Variants in CSMD3 observed in about 807,000 individuals in gnomAD.
CSMD3 encodes the protein CUB and sushi domain-containing protein 3.
In CSMD3, 177 loss-of-function variants were observed where a neutral mutation model predicts 435.2. The ratio of observed to expected loss-of-function variants is 0.41; its 90% confidence interval spans 0.36 to 0.46. The LOEUF (loss-of-function observed/expected upper bound fraction) is 0.46, where lower values mean the gene tolerates loss of function less well. CSMD3 is among the 20% of genes least tolerant of loss of function. The pLI is 0.34. For missense variants in CSMD3, 4,265 were observed against 4,504.6 expected (o/e 0.95, Z 1.52); for synonymous variants, 1,656 against 1,520.5 (o/e 1.09, Z -2.07).
intron 27 of CSMD3, among the ~76,000 whole-genome samples, chr8:112,527,894 C>T (rs1825135524): frequency 6.6e-6 from 1 of 152,056 alleles, no homozygotes; most frequent in African/African-American, 2.4e-5. Context: ...TAGATTTATT[C>T]AACTATTTGT....
At chr8:112,831,783 C>A (rs1365244128) in intron 11 of CSMD3, among the ~76,000 whole-genome samples, 1 of 152,040 alleles carries the variant, frequency 6.6e-6, no homozygotes, top group Non-Finnish European at 1.5e-5. Context: ...ATTTGTAATA[C>A]ACAAAGGTGA....
At chr8:112,273,919 T>A (rs1014329993) in intron 59 of CSMD3, among the ~76,000 whole-genome samples, 1 of 143,972 alleles carries the variant, frequency 6.9e-6, no homozygotes, top group Non-Finnish European at 1.5e-5. Context: ...TACAGTTTAG[T>A]GGTATAGGTA....
rs1822238452 is a variant in CSMD3 at position 112,503,892 on chromosome 8, T to C, written c.4981A>G (p.Ser1661Gly). ...CTTTCTATTCTCTCTGGTAACTTGC[T>C]GTCTTGAAAACTTCCAATCAGTGGG... ...NSPLIGSFQD[S>G]KLPERIESSS... The change falls in exon 30 of 71, where the codon AGC (serine) becomes GGC (glycine). Residue 1661 changes from serine to glycine, a missense_variant. Transcript: ENST00000297405. The C allele has an allele frequency of 6.2e-7, 1 of 1,613,050 alleles. No homozygotes were observed. The highest frequency in any genetic ancestry group is 1.3e-5 in the African/African-American group (1 of 75,014).
chr8:113,430,141 G>A (rs2094662553), intron 1 of CSMD3, among the ~76,000 whole-genome samples: 1 of 152,122 alleles, frequency 6.6e-6, no homozygotes, highest in African/African-American at 2.4e-5. Flanking sequence ...CTGTATAATG[G>A]CCTGGGAACT....
At chr8:113,374,818 T>TGAAAAAAAAAA (rs2094368857) in intron 1 of CSMD3, among the ~76,000 whole-genome samples, 1 of 28,112 alleles carries the variant, frequency 3.6e-5, no homozygotes, top group Non-Finnish European at 7.0e-5. Context: ...TGTTAAAAAG[T>TGAAAAAAAAAA]AAAAAAAAAA....
At position 113,173,811 on chromosome 8, in the gene CSMD3, C is replaced by A. The variant is rs1392683369; in HGVS notation, c.620G>T (p.Gly207Val). The A allele has an allele frequency of 1.9e-6, 3 of 1,613,696 alleles. No homozygotes were observed. The highest frequency in any genetic ancestry group is 2.5e-6 in the Non-Finnish European group (3 of 1,179,700). The change falls in exon 4 of 71, where the codon GGA becomes GTA. Residue 207 changes from glycine (G) to valine (V), a missense_variant. Coordinates refer to ENST00000297405, the MANE Select transcript of CSMD3 (RefSeq NM_198123.2). ...GDKIRYSCVT[G>V]YILDGHPQLT... ...CTGAGGGTGGCCATCAAGGATGTAT[C>A]CAGTTACACAGCTGTAGCGGATCTT...
chr8:112,391,203 G>C lies in CSMD3; in HGVS notation c.5810-415C>G, dbSNP rs184211627. On this transcript the variant is annotated intron_variant, in intron 35 of 70. Coordinates refer to ENST00000297405, the MANE Select transcript of CSMD3 (RefSeq NM_198123.2). ...ACAGCATCCACTGGAAAGTAATGAG[G>C]ATGATGATAACAATTATATTATGAT... is the stretch of plus-strand genomic sequence containing the variant. Among the ~76,000 whole-genome samples the C allele has an allele frequency of 3.9e-5, 6 of 152,244 alleles. No homozygotes were observed. The East Asian group carries it at 5.8e-4, about 15-fold the overall frequency.
At chr8:112,370,658 T>C (rs1396177792) in intron 38 of CSMD3, among the ~76,000 whole-genome samples, 1 of 152,158 alleles carries the variant, frequency 6.6e-6, no homozygotes, top group African/African-American at 2.4e-5. Flanking sequence ...ACAGTCTCCA[T>C]AAGGTCTGCC....
chr8:112,979,544 G>GA (rs1210344808), intron 6 of CSMD3, among the ~76,000 whole-genome samples: 13 of 151,238 alleles, frequency 8.6e-5, no homozygotes, highest in African/African-American at 3.1e-4. Context: ...GCCAATGCTG[G>GA]AAAAAGTCTT....
intron 5 of CSMD3, among the ~76,000 whole-genome samples, chr8:113,077,451 C>A (rs2089389771): frequency 6.6e-6 from 1 of 152,110 alleles, no homozygotes; most frequent in African/African-American, 2.4e-5. Context: ...CCTGTAATCC[C>A]AGCACTTTGG....
At chr8:112,316,636 T>C (rs1400035454) in intron 47 of CSMD3, among the ~76,000 whole-genome samples, 1 of 151,826 alleles carries the variant, frequency 6.6e-6, no homozygotes, top group Non-Finnish European at 1.5e-5. Context: ...TGGTACATTA[T>C]CTCCGTTATC....
Position 112,937,390 on chromosome 8 carries a change from G to A in CSMD3, c.1508+10400C>T, listed in dbSNP as rs1408117881. Among the ~76,000 whole-genome samples, 28 of 141,100 alleles carry A rather than the reference G, an allele frequency of 2.0e-4. 1 individual carries two copies. The highest frequency in any genetic ancestry group is 1.9e-3 in the Admixed American group (25 of 13,208). The allele number at this position is 141,100 out of a possible 152,430, so 92.6% of individuals were successfully genotyped here. Reference sequence around the variant, plus strand: ...TTTTGAGACAGAGTCTCTCTCTGTCGCCTAATTTGGAGTGCAGTGGCACGA... The same window carrying A: ...TTTTGAGACAGAGTCTCTCTCTGTCACCTAATTTGGAGTGCAGTGGCACGA... On this transcript the variant is annotated intron_variant, in intron 9 of 70. Coordinates refer to ENST00000297405, the MANE Select transcript of CSMD3 (RefSeq NM_198123.2).
At chr8:112,829,105 C>T (rs1000448178) in intron 12 of CSMD3, among the ~76,000 whole-genome samples, 1 of 151,930 alleles carries the variant, frequency 6.6e-6, no homozygotes, top group Non-Finnish European at 1.5e-5. Context: ...ACAATAAGGG[C>T]ATTACCAGTA....
chr8:112,471,579 T>G (rs1243656251), intron 32 of CSMD3, among the ~76,000 whole-genome samples: 1 of 152,180 alleles, frequency 6.6e-6, no homozygotes, highest in African/African-American at 2.4e-5. Flanking sequence ...TACTCTCAAA[T>G]AAGTTGAAGA....
At chr8:112,815,781 T>C (rs1453115499) in intron 12 of CSMD3, among the ~76,000 whole-genome samples, 1 of 152,136 alleles carries the variant, frequency 6.6e-6, no homozygotes, top group African/African-American at 2.4e-5. Context: ...ATTAGACATA[T>C]GTAGCAAAAA....
At chr8:112,972,381 A>G (rs2084690265) in intron 7 of CSMD3, among the ~76,000 whole-genome samples, 1 of 151,936 alleles carries the variant, frequency 6.6e-6, no homozygotes, top group African/African-American at 2.4e-5. Flanking sequence ...TATTCAGTAG[A>G]ATATTTTTTC....
intron 13 of CSMD3, among the ~76,000 whole-genome samples, chr8:112,740,570 A>G (rs2077282755): frequency 6.6e-6 from 1 of 151,898 alleles, no homozygotes; most frequent in Non-Finnish European, 1.5e-5. Flanking sequence ...GAAGGTATGC[A>G]CTCTGTTAAA....
chr8:113,386,071 A>T (rs1204797343), intron 1 of CSMD3, among the ~76,000 whole-genome samples: 1 of 152,044 alleles, frequency 6.6e-6, no homozygotes, highest in Non-Finnish European at 1.5e-5. Flanking sequence ...TTCCTCTGAA[A>T]CAGCCTTGAA....
chr8:112,517,825 G>C (rs1823841276), intron 27 of CSMD3, among the ~76,000 whole-genome samples: 2 of 152,158 alleles, frequency 1.3e-5, no homozygotes, highest in South Asian at 2.1e-4. Flanking sequence ...GGAATGTAAA[G>C]TGGTAAAACC....
Sources: allele counts gnomAD v4.1 joint callset (sites outside exome capture counted in the v4.1 genomes callset), GRCh38; gene constraint gnomAD v4.1.1; transcripts MANE v1.5; gene names NCBI Gene and HGNC (gene_info 2026-07-23, HGNC 2026-07-21).